The following LRRK2 variants were observed in gnomAD, a reference collection of about 807,000 sequenced individuals.
LRRK2 encodes the protein leucine rich repeat kinase 2, also known as leucine-rich repeat serine/threonine-protein kinase 2.
LRRK2 carries 203 observed loss-of-function variants against 302.6 expected under a neutral mutation model. That is an observed-to-expected ratio of 0.67 (90% confidence interval 0.60 to 0.75). The LOEUF is 0.75. Ranked by LOEUF, LRRK2 falls within the 30% of genes least tolerant of loss-of-function variation. The pLI, the probability that LRRK2 is intolerant of heterozygous loss-of-function variation, is 0.00. For synonymous variants in LRRK2, 1,066 were observed against 1,031.9 expected, an observed-to-expected ratio of 1.03 and a Z score of -0.63; for missense variants, 2,830 against 2,951.0, an observed-to-expected ratio of 0.96 and a Z score of 0.95.
intron 14 of LRRK2, among the ~76,000 whole-genome samples, chr12:40,266,316 A>C (rs961261098): frequency 3.9e-5 from 6 of 152,226 alleles, no homozygotes; most frequent in African/African-American, 1.2e-4. Flanking sequence ...GAAAGAAAAA[A>C]CAACCCCATC....
chr12:40,295,395 T>A lies in LRRK2; in HGVS notation c.2879-32T>A, dbSNP rs541026464. 3 of 1,586,136 alleles carry A rather than the reference T, an allele frequency of 1.9e-6. No homozygotes were observed. In the Admixed American group the frequency reaches 5.0e-5, roughly 26 times the overall value. ...TACATGAATTTAAATTATTTGCTTA[T>A]ATTTCCATTGTTTGTTTGTTTTTGA... On this transcript the variant is annotated intron_variant, in intron 22 of 50. Coordinates refer to ENST00000298910, the MANE Select transcript of LRRK2 (RefSeq NM_198578.4).
In LRRK2 at chr12:40,367,629, T is replaced by C. The variant is rs769304925; in HGVS notation, c.7463-15T>C. 5 of 1,596,242 alleles carry C rather than the reference T, an allele frequency of 3.1e-6. No homozygotes were observed. In the South Asian group the frequency reaches 5.7e-5, roughly 18 times the overall value. On this transcript the variant is annotated splice_polypyrimidine_tract_variant and intron_variant, in intron 50 of 50. Coordinates refer to ENST00000298910, the MANE Select transcript of LRRK2 (RefSeq NM_198578.4). ...TGGATCTTTGAAACATGATTTCATT[T>C]TTTTCTTTTTCTAGAGATACAATCT...
intron 33 of LRRK2, among the ~76,000 whole-genome samples, chr12:40,316,002 T>C (rs1849535174): frequency 6.6e-6 from 1 of 151,992 alleles, no homozygotes; most frequent in Non-Finnish European, 1.5e-5. Context: ...TTGGCCTTTA[T>C]ATTCGAGACG....
intron 22 of LRRK2, 120 bp from the exon 23 acceptor site, chr12:40,295,307 C>G: frequency 1.1e-6 from 1 of 896,418 alleles, no homozygotes; most frequent in East Asian, 2.6e-5. Flanking sequence ...GTTTGGTTTT[C>G]TACTGAATCT....
chr12:40,275,050 C>T, intron 16 of LRRK2, 57 bp downstream of exon 16: 1 of 1,597,708 alleles, frequency 6.3e-7, no homozygotes, highest in Non-Finnish European at 8.6e-7. Flanking sequence ...ACTTTTGGAG[C>T]AGTTTGTGTA....
intron 31 of LRRK2, among the ~76,000 whole-genome samples, chr12:40,311,089 C>G (rs1945021507): frequency 6.6e-6 from 1 of 152,032 alleles, no homozygotes; most frequent in African/African-American, 2.4e-5. Flanking sequence ...TTATGGACAT[C>G]TTGATCTTTT....
chr12:40,279,225 T>TTTTTTTTTTTTTTTTGAG (rs1943587148), intron 18 of LRRK2, among the ~76,000 whole-genome samples: 1 of 148,064 alleles, frequency 6.8e-6, no homozygotes, highest in African/African-American at 2.5e-5. Context: ...GTTTACTTTT[T>TTTTTTTTTTTTTTTTGAG]AAACCTTACT....
At chr12:40,327,890 A>G (rs1263629724) in intron 38 of LRRK2, among the ~76,000 whole-genome samples, 3 of 152,208 alleles carry the variant, frequency 2.0e-5, no homozygotes, top group Non-Finnish European at 2.9e-5. Flanking sequence ...AAGGGCCTCA[A>G]AAAGACTTTT....
chr12:40,291,283 G>A (rs910381794), intron 20 of LRRK2, among the ~76,000 whole-genome samples: 6 of 151,644 alleles, frequency 4.0e-5, no homozygotes, highest in African/African-American at 1.5e-4. Flanking sequence ...CTGTTGTGGG[G>A]TGGGGGGAAG....
Position 40,321,500 on chromosome 12 carries a change from G to A in LRRK2, c.5170+312G>A, listed in dbSNP as rs4768230. The stretch of plus-strand genomic sequence containing the variant: ...CTCTTTTCTGTTGCACAGCCACTAA[G>A]ACATTTACAAAAAAAGAGCAAATCC... On this transcript the variant is annotated intron_variant, in intron 35 of 50. Transcript: ENST00000298910. 0.3 allele frequency among the ~76,000 whole-genome samples: 41,260 copies of A among 137,828 alleles called. 5,894 individuals carry two copies. The highest frequency in any genetic ancestry group is 0.42 in the South Asian group (1,790 of 4,284). The allele number at this position is 137,828 out of a possible 152,430, so 90.4% of individuals were successfully genotyped here. A position where few individuals can be genotyped will look rare whatever the true frequency, so the allele number is the denominator to read the frequency against.
intron 14 of LRRK2, among the ~76,000 whole-genome samples, chr12:40,264,137 G>A (rs987528409): frequency 1.3e-5 from 2 of 152,118 alleles, no homozygotes; most frequent in African/African-American, 4.8e-5. Context: ...TCTTTTGATT[G>A]CCAGTAACAT....
intron 22 of LRRK2, 81 bp from the exon 23 acceptor site, chr12:40,295,346 A>G: frequency 7.8e-7 from 1 of 1,288,792 alleles, no homozygotes; most frequent in Non-Finnish European, 1.1e-6. Context: ...CCTGATTGCT[A>G]GGAGGTGCTC....
intron 48 of LRRK2, among the ~76,000 whole-genome samples, chr12:40,364,579 T>C (rs541894380): frequency 6.6e-6 from 1 of 152,052 alleles, no homozygotes; most frequent in Admixed American, 6.6e-5. Context: ...AGCTTTGGTA[T>C]TTATAAAAAT....
chr12:40,314,808 C>T (rs1945161080), intron 32 of LRRK2, among the ~76,000 whole-genome samples: 1 of 151,954 alleles, frequency 6.6e-6, no homozygotes, highest in Non-Finnish European at 1.5e-5. Context: ...AAAATAGCTT[C>T]CCGTGGTTTA....
rs562028497 is a variant in LRRK2, at chr12:40,287,293, A to G, written c.2501-58A>G. The G allele has an allele frequency of 1.4e-5, 21 of 1,488,596 alleles. No homozygotes were observed. The Admixed American group carries it at 1.7e-4, about 12-fold the overall frequency. 92.2% of individuals were successfully genotyped at this position (1,488,596 alleles called of 1,614,324 possible). A position where few individuals can be genotyped will look rare whatever the true frequency, so the allele number is the denominator to read the frequency against. On this transcript the variant is annotated intron_variant, in intron 19 of 50. Coordinates refer to ENST00000298910, the MANE Select transcript of LRRK2 (RefSeq NM_198578.4). ...ATACGTAAGAACTTTGGTCCTATGT[A>G]TGTTTATTTTTGCATAATTGTTGAT...
rs1397625981 is a variant in LRRK2, at chr12:40,328,471, C to T, written c.5757+11C>T. ...AGGCTGTTAAGACAAGTAAGAAATT[C>T]AATAATATAATTATATTAAATTGCA... is the stretch of plus-strand genomic sequence containing the variant. On this transcript the variant is annotated intron_variant, in intron 39 of 50. Coordinates refer to ENST00000298910, the MANE Select transcript of LRRK2 (RefSeq NM_198578.4). The T allele has an allele frequency of 2.6e-6, 4 of 1,548,588 alleles. No homozygotes were observed. Among genetic ancestry groups the T allele is most frequent in the Non-Finnish European group, 3.6e-6 (4 of 1,124,514 alleles).
At chr12:40,247,184 C>A (rs1264783185) in intron 7 of LRRK2, among the ~76,000 whole-genome samples, 1 of 151,818 alleles carries the variant, frequency 6.6e-6, no homozygotes. Flanking sequence ...TGATTATATC[C>A]CCTGTGTAAT....
At position 40,295,119 on chromosome 12, in the gene LRRK2, A is replaced by G. The variant is rs12314692; in HGVS notation, c.2878+205A>G. On this transcript the variant is annotated intron_variant, in intron 22 of 50. Transcript: ENST00000298910. ...ATTTACCTTTCTTGAATATTATAGA[A>G]CACATTAGTCTTTTTTTTTACAAGT... Among the ~76,000 whole-genome samples, 14,144 of 152,072 alleles carry G rather than the reference A, an allele frequency of 0.093. 803 individuals carry two copies. Among genetic ancestry groups the G allele is most frequent in the Admixed American group, 0.15 (2,289 of 15,266 alleles).
chr12:40,229,469 A>G (rs2136382951), intron 2 of LRRK2, among the ~76,000 whole-genome samples: 1 of 152,322 alleles, frequency 6.6e-6, no homozygotes, highest in East Asian at 1.9e-4. Context: ...TTGACGGTTA[A>G]GCTAGGTGCT....
Sources: allele counts gnomAD v4.1 joint callset (sites outside exome capture counted in the v4.1 genomes callset), GRCh38; gene constraint gnomAD v4.1.1; transcripts MANE v1.5; gene names NCBI Gene and HGNC (gene_info 2026-07-23, HGNC 2026-07-21).